Variants in TENM1 observed in about 807,000 individuals in gnomAD.
TENM1 encodes teneurin-1.
Under a neutral mutation model 174.8 loss-of-function variants are expected in TENM1, and 35 were observed. The ratio of observed to expected loss-of-function variants is 0.20; its 90% CI spans 0.15 to 0.27. TENM1 has a LOEUF of 0.27. TENM1 is among the 10% of genes least tolerant of loss of function. The pLI is 1.00. For synonymous variants in TENM1, 781 were observed against 798.7 expected (o/e 0.98, Z 0.37); for missense variants, 1,633 against 2,130.1 (o/e 0.77, Z 4.59).
At chrX:124,754,497 C>G (rs2054174490) in intron 3 of TENM1, among the ~76,000 whole-genome samples, 1 of 111,216 alleles carries the variant, frequency 9.0e-6, no homozygotes, top group Admixed American at 9.5e-5. Flanking sequence ...TTCAGTTCTG[C>G]TCTGATTTTA....
intron 4 of TENM1, among the ~76,000 whole-genome samples, chrX:124,729,207 T>A (rs1014263546): frequency 6.2e-5 from 7 of 112,238 alleles, no homozygotes; most frequent in Non-Finnish European, 9.4e-5. Context: ...AGCTATTGTG[T>A]CTCTCTGAAT....
intron 3 of TENM1, among the ~76,000 whole-genome samples, chrX:124,791,761 A>T (rs2055185116): frequency 1.8e-5 from 2 of 111,773 alleles, no homozygotes; most frequent in Non-Finnish European, 3.8e-5. Flanking sequence ...AATTTTCTCC[A>T]TTATGGGAGC....
At chrX:124,796,197 C>A (rs944197965) in intron 3 of TENM1, among the ~76,000 whole-genome samples, 1 of 111,562 alleles carries the variant, frequency 9.0e-6, no homozygotes, top group African/African-American at 3.2e-5. Context: ...TTAAATCTAA[C>A]GAAAATATGA....
chrX:124,420,782 G>A, exon 25 of TENM1: 1 of 1,210,052 alleles, frequency 8.3e-7, no homozygotes, highest in Non-Finnish European at 1.1e-6. Flanking sequence ...TAAGGAGGAA[G>A]GGGCTTTCAT....
intron 10 of TENM1, among the ~76,000 whole-genome samples, chrX:124,644,516 C>T (rs1314956708): frequency 1.8e-5 from 2 of 109,872 alleles, no homozygotes; most frequent in Non-Finnish European, 3.8e-5. Context: ...AACTTATTTT[C>T]CAGTGCGTCT....
intron 22 of TENM1, among the ~76,000 whole-genome samples, chrX:124,471,648 A>C (rs1399101872): frequency 1.2e-5 from 1 of 84,547 alleles, no homozygotes; most frequent in Non-Finnish European, 2.1e-5. Context: ...ATATAATTAT[A>C]TAATATACAA....
chrX:125,050,313 G>C, the TENM1 span, among the ~76,000 whole-genome samples: 1 of 106,711 alleles, frequency 9.4e-6, no homozygotes, highest in Non-Finnish European at 1.9e-5. Context: ...CCTCCCCCCT[G>C]CCCCCACCCC....
At chrX:124,785,433 C>G (rs2055012366) in intron 3 of TENM1, among the ~76,000 whole-genome samples, 1 of 111,802 alleles carries the variant, frequency 8.9e-6, no homozygotes, top group Non-Finnish European at 1.9e-5. Context: ...ATGGACTACT[C>G]AGAGTTTGGT....
chrX:124,544,887 A>G (rs1484009437), intron 15 of TENM1, among the ~76,000 whole-genome samples: 1 of 112,057 alleles, frequency 8.9e-6, no homozygotes, highest in African/African-American at 3.2e-5. Context: ...TCTACTTTAC[A>G]GGGATAATGT....
the TENM1 span, among the ~76,000 whole-genome samples, chrX:125,190,933 C>T: frequency 4.5e-5 from 5 of 110,913 alleles, no homozygotes; most frequent in African/African-American, 1.6e-4. Flanking sequence ...TATAATTTTA[C>T]ACCTTGGTTT....
At chrX:124,412,242 G>A (rs1365993284) in intron 25 of TENM1, among the ~76,000 whole-genome samples, 2 of 113,142 alleles carry the variant, frequency 1.8e-5, no homozygotes, top group African/African-American at 3.2e-5. Context: ...GTGCACTTGA[G>A]TGAGTGTGTG....
intron 4 of TENM1, among the ~76,000 whole-genome samples, chrX:124,710,139 GT>G (rs996060974): frequency 9.0e-6 from 1 of 111,098 alleles, no homozygotes; most frequent in Non-Finnish European, 1.9e-5. Flanking sequence ...CTCCCAGACT[GT>G]TTTTTTCCCC....
At chrX:124,800,038 A>G (rs1258966632) in intron 3 of TENM1, among the ~76,000 whole-genome samples, 1 of 112,085 alleles carries the variant, frequency 8.9e-6, no homozygotes, top group African/African-American at 3.2e-5. Context: ...ATCCATGTTC[A>G]TCAGTGATAT....
At chrX:124,377,082 T>C (rs2060111897) in exon 32 of TENM1, 1 of 110,390 alleles carries the variant, frequency 9.1e-6, no homozygotes, top group African/African-American at 3.3e-5. Context: ...GCCCTGACTC[T>C]CTTAAGTGAT....
In TENM1 at chrX:124,910,238, C is replaced by T. The variant is rs186925590; in HGVS notation, c.218-13997G>A. On this transcript the variant is annotated intron_variant, in intron 1 of 31. Coordinates refer to ENST00000422452, the Ensembl canonical transcript of TENM1. ...GCTAGAAAGCAAATGCAAACAGCAA[C>T]AATGACATTAGTGCTTTTGAACTGG... is the stretch of plus-strand genomic sequence containing the variant. Among the ~76,000 whole-genome samples, 3 of 112,427 alleles carry T rather than the reference C, an allele frequency of 2.7e-5. No individual in the cohort carries two copies. The Admixed American group carries it at 2.8e-4, about 11-fold the overall frequency.
exon 5 of TENM1, chrX:124,705,075 C>A (rs753381746): frequency 8.3e-7 from 1 of 1,211,503 alleles, no homozygotes; most frequent in East Asian, 3.0e-5. Context: ...CAATGCTGTG[C>A]ACTTCCAGTT....
chrX:124,752,020 C>G, intron 3 of TENM1, among the ~76,000 whole-genome samples: 1 of 110,437 alleles, frequency 9.1e-6, no homozygotes, highest in Non-Finnish European at 1.9e-5. Flanking sequence ...AATGGGATGG[C>G]TGGGTCAAAT....
chrX:125,038,877 T>G, the TENM1 span, among the ~76,000 whole-genome samples: 1 of 111,819 alleles, frequency 8.9e-6, no homozygotes, highest in Admixed American at 9.5e-5. Flanking sequence ...TAAAGAACTA[T>G]TGTTTAATAT....
At chrX:124,654,415 G>T (rs1226613816) in intron 6 of TENM1, among the ~76,000 whole-genome samples, 1 of 112,420 alleles carries the variant, frequency 8.9e-6, no homozygotes, top group Non-Finnish European at 1.9e-5. Flanking sequence ...AACAATGTAG[G>T]CAACTGTAGG....
Sources: allele counts gnomAD v4.1 joint callset (sites outside exome capture counted in the v4.1 genomes callset), GRCh38; gene constraint gnomAD v4.1.1; transcripts MANE v1.5; gene names NCBI Gene and HGNC (gene_info 2026-07-23, HGNC 2026-07-21).